The following INSL6 variants were observed in gnomAD, a reference collection of about 807,000 sequenced individuals.
INSL6 encodes insulin like 6, also known as insulin-like peptide INSL6.
A neutral mutation model predicts 9.4 loss-of-function variants in INSL6; 16 were observed. That is an observed-to-expected ratio of 1.70 (90% confidence interval 1.15 to 2.59). The LOEUF (loss-of-function observed/expected upper bound fraction) is 2.59, where lower values mean the gene tolerates loss of function less well. INSL6 is among the 30% of genes most tolerant of loss of function. INSL6 has a pLI of 0.00. For synonymous variants in INSL6, 154 were observed against 96.9 expected (o/e 1.59, Z -3.46); for missense variants, 391 against 257.3 (o/e 1.52, Z -3.56).
chr9:4,992,652 A>G, the INSL6 span, among the ~76,000 whole-genome samples: 1 of 152,198 alleles, frequency 6.6e-6, no homozygotes, highest in Admixed American at 6.5e-5. Flanking sequence ...AATCAGGTCC[A>G]GGTACAGAAT....
chr9:5,114,514 C>T, the INSL6 span: 19 of 467,776 alleles, frequency 4.1e-5, no homozygotes, highest in East Asian at 2.7e-4. Flanking sequence ...GTGTTTGCAA[C>T]GCTAGAAGAG....
chr9:5,085,059 A>T, the INSL6 span: 1 of 715,494 alleles, frequency 1.4e-6, no homozygotes, highest in South Asian at 1.3e-5. Flanking sequence ...TGGGGATGAG[A>T]AGTTTACTGC....
chr9:5,115,407 A>G, the INSL6 span, among the ~76,000 whole-genome samples: 6 of 152,200 alleles, frequency 3.9e-5, no homozygotes, highest in Admixed American at 2.0e-4. Context: ...AAAGTCAGGC[A>G]ACAACAGATG....
intron 1 of INSL6, among the ~76,000 whole-genome samples, chr9:5,182,733 A>T (rs1435197540): frequency 6.6e-6 from 1 of 152,216 alleles, no homozygotes; most frequent in Non-Finnish European, 1.5e-5. Context: ...ACAGATTATG[A>T]AAAGCTGATT....
At chr9:5,045,501 C>G in the INSL6 span, among the ~76,000 whole-genome samples, 3 of 152,156 alleles carry the variant, frequency 2.0e-5, no homozygotes, top group Non-Finnish European at 4.4e-5. Context: ...CAACCATCAC[C>G]ACCATCCATC....
At chr9:5,137,251 G>A (rs1354354047) in intron 2 of INSL6, among the ~76,000 whole-genome samples, 1 of 152,006 alleles carries the variant, frequency 6.6e-6, no homozygotes, top group Non-Finnish European at 1.5e-5. Context: ...TTTCTTCACA[G>A]AACTGGAAAA....
the INSL6 span, chr9:5,070,170 T>A: frequency 1.7e-6 from 1 of 602,668 alleles, no homozygotes; most frequent in Non-Finnish European, 2.5e-6. Context: ...TAGTTGTGAT[T>A]TAAATATTTT....
chr9:5,165,851 T>C (rs918927575), intron 1 of INSL6, among the ~76,000 whole-genome samples: 1 of 152,142 alleles, frequency 6.6e-6, no homozygotes, highest in Non-Finnish European at 1.5e-5. Context: ...CAGTACCTTC[T>C]AGGAGGATAT....
the INSL6 span, among the ~76,000 whole-genome samples, chr9:5,003,707 C>A: frequency 6.6e-6 from 1 of 151,944 alleles, no homozygotes; most frequent in Non-Finnish European, 1.5e-5. Context: ...AGTTTTCTTG[C>A]CTTATTGCAC....
the INSL6 span, chr9:5,064,955 G>A: frequency 6.2e-7 from 1 of 1,605,250 alleles, no homozygotes. Context: ...TAGATTAACT[G>A]CAGATGCACA....
intron 2 of INSL6, among the ~76,000 whole-genome samples, chr9:5,158,126 G>A (rs1171454107): frequency 2.0e-5 from 3 of 152,094 alleles, no homozygotes; most frequent in Non-Finnish European, 2.9e-5. Flanking sequence ...ACTGAAGACA[G>A]GCTATTTGAA....
intron 2 of INSL6, among the ~76,000 whole-genome samples, chr9:5,156,828 G>A (rs1192536384): frequency 1.3e-5 from 2 of 152,020 alleles, no homozygotes; most frequent in East Asian, 3.8e-4. Context: ...AATTTACAAT[G>A]TTACAGGATA....
chr9:5,090,951 C>T, the INSL6 span: 3 of 1,343,276 alleles, frequency 2.2e-6, no homozygotes, highest in Non-Finnish European at 3.1e-6. Context: ...TTTTAGAGCA[C>T]AGACTTCAAA....
intron 2 of INSL6, among the ~76,000 whole-genome samples, chr9:5,139,487 T>C (rs952733877): frequency 3.9e-5 from 6 of 152,134 alleles, no homozygotes; most frequent in South Asian, 4.2e-4. Flanking sequence ...CCTCAGAGTA[T>C]TGGGTGAAAA....
the INSL6 span, among the ~76,000 whole-genome samples, chr9:5,047,475 G>C: frequency 6.6e-6 from 1 of 152,138 alleles, no homozygotes; most frequent in Non-Finnish European, 1.5e-5. Flanking sequence ...GCTGACATGT[G>C]AACAACTTTT....
chr9:5,022,222 T>TA, the INSL6 span: 2 of 1,594,168 alleles, frequency 1.3e-6, no homozygotes, highest in Non-Finnish European at 8.6e-7. Flanking sequence ...TGGTAAGTAT[T>TA]AAAAAACAGC....
At chr9:5,107,224 A>G in the INSL6 span, among the ~76,000 whole-genome samples, 1 of 152,120 alleles carries the variant, frequency 6.6e-6, no homozygotes, top group Non-Finnish European at 1.5e-5. Context: ...AAAGATATTA[A>G]ATAACCTGAC....
At chr9:5,040,732 G>A in the INSL6 span, among the ~76,000 whole-genome samples, 1 of 152,282 alleles carries the variant, frequency 6.6e-6, no homozygotes, top group African/African-American at 2.4e-5. Context: ...GTGGGCCCCT[G>A]AGCGGGCGTC....
the INSL6 span, among the ~76,000 whole-genome samples, chr9:5,081,463 G>C: frequency 6.6e-6 from 1 of 152,046 alleles, no homozygotes; most frequent in Non-Finnish European, 1.5e-5. Context: ...ATAAGTATCA[G>C]TATATTACCT....
Sources: allele counts gnomAD v4.1 joint callset (sites outside exome capture counted in the v4.1 genomes callset), GRCh38; gene constraint gnomAD v4.1.1; transcripts MANE v1.5; gene names NCBI Gene and HGNC (gene_info 2026-07-23, HGNC 2026-07-21).